COL11A2: variants seen among roughly 807,000 people sequenced by gnomAD.
COL11A2 encodes collagen alpha-2(XI) chain.
A neutral mutation model predicts 273.4 loss-of-function variants in COL11A2; 116 were observed. The observed-to-expected ratio is 0.42, with a 90% CI of 0.36 to 0.49. COL11A2 has a LOEUF of 0.49. Among genes scored for constraint, COL11A2 ranks in the 20% least tolerant of loss-of-function variants. The pLI is 0.00. For missense variants in COL11A2, 1,866 were observed against 2,309.0 expected, an observed-to-expected ratio of 0.81 and a Z score of 3.93; for synonymous variants, 782 against 864.2, an observed-to-expected ratio of 0.90 and a Z score of 1.67.
intron 7 of COL11A2, among the ~76,000 whole-genome samples, chr6:33,184,586 G>A (rs1772134849): frequency 6.6e-6 from 1 of 152,212 alleles, no homozygotes; most frequent in African/African-American, 2.4e-5. Flanking sequence ...CCAGAGGACT[G>A]GATGCAGAGT....
chr6:33,176,228 G>C lies in COL11A2; in HGVS notation c.2214+31C>G. The C allele has an allele frequency of 3.1e-6, 5 of 1,609,450 alleles. No homozygotes were observed. Among genetic ancestry groups the C allele is most frequent in the Non-Finnish European group, 3.4e-6 (4 of 1,178,096 alleles). ...TGAAGAGAGGAGATGGCAGGACTGAGGTGCTGGGAAGCTGGGGGCATGGTG... is the reference window on the plus strand; with the variant it reads ...TGAAGAGAGGAGATGGCAGGACTGACGTGCTGGGAAGCTGGGGGCATGGTG... On this transcript the variant is annotated intron_variant, in intron 28 of 65. Coordinates refer to ENST00000341947, the MANE Select transcript of COL11A2 (RefSeq NM_080680.3). This position sits in a 1 kb window ranked among gnomAD's most constrained non-coding sequence, Gnocchi z 4.9.
At position 33,163,262 on chromosome 6, in the gene COL11A2, C is replaced by G. The variant is rs1033870943; in HGVS notation, c.*416G>C. ...TGGGTGCCGGAGCCCACCCCCGAGA[C>G]CCCTGTCTTCAACATCTGCTGATTT... On this transcript the variant is annotated 3_prime_UTR_variant, in exon 66 of 66. Transcript: ENST00000341947. The surrounding 1 kb of genome is among the most constrained non-coding windows in gnomAD (Gnocchi z 4.1). The G allele has an allele frequency of 2.3e-5, 5 of 221,514 alleles. No homozygotes were observed. Among genetic ancestry groups the G allele is most frequent in the Non-Finnish European group, 3.6e-5 (4 of 110,006 alleles). 13.7% of individuals were successfully genotyped at this position (221,514 alleles called of 1,614,324 possible).
chr6:33,172,231 G>C, intron 40 of COL11A2, 58 bp downstream of exon 40: 1 of 1,519,546 alleles, frequency 6.6e-7, no homozygotes, highest in South Asian at 1.1e-5. Flanking sequence ...CAGGGTCGGG[G>C]TGGGGACTCA....
rs943456308 is a variant in COL11A2, at chr6:33,169,535, G to A, written c.3691-45C>T. 1.9e-6 allele frequency: 3 copies of A among 1,572,644 alleles called. No individual in the cohort carries two copies. Among genetic ancestry groups the A allele is most frequent in the South Asian group, 1.1e-5 (1 of 89,970 alleles). Reference sequence around the variant, plus strand: ...CACAGATGGCCCAGGGAATCTTGAAGATCAGGGATGCAGCCTCTGCTTCCG... The same window carrying A: ...CACAGATGGCCCAGGGAATCTTGAAAATCAGGGATGCAGCCTCTGCTTCCG... On this transcript the variant is annotated intron_variant, in intron 50 of 65. Transcript: ENST00000341947. The surrounding 1 kb of genome is among the most constrained non-coding windows in gnomAD (Gnocchi z 5.5).
In COL11A2 at chr6:33,178,632, T is replaced by C. The variant is rs762652257; in HGVS notation, c.1719+47A>G. The C allele has an allele frequency of 2.5e-6, 4 of 1,609,912 alleles. No homozygotes were observed. Among genetic ancestry groups the C allele is most frequent in the Admixed American group, 1.7e-5 (1 of 60,006 alleles). The stretch of plus-strand genomic sequence containing the variant: ...CCTTCCCTACCTATCCTCACTCCCA[T>C]AGAAGATCTATCCCCAATTACAACA... On this transcript the variant is annotated intron_variant, in intron 18 of 65. Transcript: ENST00000341947. This position sits in a 1 kb window ranked among gnomAD's most constrained non-coding sequence, Gnocchi z 4.6.
At chr6:33,185,991 G>A (rs777709178) in intron 5 of COL11A2, among the ~76,000 whole-genome samples, 2 of 151,896 alleles carry the variant, frequency 1.3e-5, no homozygotes, top group Non-Finnish European at 2.9e-5. Context: ...TTCCACATGT[G>A]GGGCAGAAGC....
rs376797260 is a variant in COL11A2, at chr6:33,172,356, G to A, written c.2921C>T (p.Ala974Val). 2.7e-4 allele frequency: 435 copies of A among 1,588,380 alleles called. No individual in the cohort carries two copies. The highest frequency in any genetic ancestry group is 3.6e-4 in the Non-Finnish European group (424 of 1,168,104). Residue 974 changes from alanine (A) to valine (V), a missense_variant, in exon 40 of 66, where the codon GCC becomes GTC. Transcript: ENST00000341947. ...ACCAGCAGGACCATCCTTCCCTGGG[G>A]CCCCAGGGGGACCAGGGTCACCCTA... Reference protein sequence around the residue: ...GTKGDPGPPGAPGKDGPAGLR... With the variant: ...GTKGDPGPPGVPGKDGPAGLR...
In COL11A2 at chr6:33,176,444, G is replaced by A. The variant is rs778929272; in HGVS notation, c.2158C>T (p.Arg720Ter). 1.9e-6 allele frequency: 3 copies of A among 1,612,500 alleles called. No homozygotes were observed. The highest frequency in any genetic ancestry group is 1.7e-6 in the Non-Finnish European group (2 of 1,179,794). ...PQGPLGYPGP[R>*]GVKGVDGIRG... ...TGGTGGTCAGTTACCTTGACCCCTC[G>A]AGGTCCTGGGTATCCTAGAGGTCCC... The change falls in exon 27 of 66, where the codon CGA (arginine) becomes TGA (stop). Residue 720 changes from arginine to a stop codon, truncating the protein, a stop_gained. Coordinates refer to ENST00000341947, the MANE Select transcript of COL11A2 (RefSeq NM_080680.3). LOFTEE classifies it high-confidence loss of function. The surrounding 1 kb of genome is among the most constrained non-coding windows in gnomAD (Gnocchi z 4.9).
chr6:33,183,889 T>A (rs1365925583), intron 8 of COL11A2, among the ~76,000 whole-genome samples: 1 of 151,792 alleles, frequency 6.6e-6, no homozygotes, highest in Non-Finnish European at 1.5e-5. Flanking sequence ...AGGAAGTGGC[T>A]ACATATTTTT....
Position 33,189,420 on chromosome 6 carries a change from A to C in COL11A2, c.132T>G (p.Pro44=), listed in dbSNP as rs139224804. The change falls in exon 2 of 66, where the codon CCT becomes CCG. Residue 44 remains proline, a synonymous_variant. Transcript: ENST00000341947. The surrounding 1 kb of genome is among the most constrained non-coding windows in gnomAD (Gnocchi z 5.6). ...VLRALRFPSL[P]DGVRRAKGIC... is the part of the protein sequence containing the mutation. ...TGCCTTTCGCTCTCCGGACACCATC[A>C]GGGAGGGAGGGGAACCTCAGGGCCC... The C allele has an allele frequency of 6.2e-7, 1 of 1,613,070 alleles. No individual in the cohort carries two copies. Among genetic ancestry groups the C allele is most frequent in the South Asian group, 1.1e-5 (1 of 91,086 alleles).
At chr6:33,174,093 G>A (rs1770541086) in intron 32 of COL11A2, 38 bp from the exon 33 acceptor site, 2 of 1,612,978 alleles carry the variant, frequency 1.2e-6, no homozygotes, top group Non-Finnish European at 1.7e-6. Context: ...TACCCAGGGT[G>A]AGACTCCCCA....
At position 33,184,298 on chromosome 6, in the gene COL11A2, G is replaced by T. The variant is rs147527758; in HGVS notation, c.966C>A (p.Pro322=). Residue 322 remains proline (P), a synonymous_variant, in exon 8 of 66, where the codon CCC becomes CCA. Transcript: ENST00000341947. Reference sequence around the variant, plus strand: ...CCTCTGCCTGGAACCTGTCGGCTGTGGGGGGGACCTGGAGATCTGTCTGCT... The same window carrying T: ...CCTCTGCCTGGAACCTGTCGGCTGTTGGGGGGACCTGGAGATCTGTCTGCT... ...EEEQTDLQVP[P]TADRFQAEEY... 4.9e-5 allele frequency: 67 copies of T among 1,367,210 alleles called. No homozygotes were observed. The highest frequency in any genetic ancestry group is 2.1e-4 in the Middle Eastern group (1 of 4,788). 84.7% of individuals were successfully genotyped at this position (1,367,210 alleles called of 1,614,324 possible).
chr6:33,192,501 C>T (rs1348662483), upstream of COL11A2: 2 of 545,190 alleles, frequency 3.7e-6, no homozygotes, highest in Non-Finnish European at 6.5e-6. Context: ...GAGCCCCCAC[C>T]TCGCCCCCGC....
chr6:33,164,172 G>C lies in COL11A2; in HGVS notation c.5070+95C>G. 7.1e-7 allele frequency: 1 copy of C among 1,407,258 alleles called. No homozygotes were observed. 87.2% of individuals were successfully genotyped at this position (1,407,258 alleles called of 1,614,324 possible). A position where few individuals can be genotyped will look rare whatever the true frequency, so the allele number is the denominator to read the frequency against. On this transcript the variant is annotated intron_variant, in intron 65 of 65. Transcript: ENST00000341947. The surrounding 1 kb of genome is among the most constrained non-coding windows in gnomAD (Gnocchi z 4.7). Reference sequence around the variant, plus strand: ...AATCCAGCAGGACGGACTCCTCCCTGCTCCCCCTGGGTGCCCTGCCCAAGG... The same window carrying C: ...AATCCAGCAGGACGGACTCCTCCCTCCTCCCCCTGGGTGCCCTGCCCAAGG...
rs1322918730 is a variant in COL11A2 at position 33,167,620 on chromosome 6, G to C, written c.4015-87C>G. On this transcript the variant is annotated intron_variant, in intron 55 of 65. Transcript: ENST00000341947. The surrounding 1 kb of genome is among the most constrained non-coding windows in gnomAD (Gnocchi z 6.1). ...GAGGGTCCAAGGTGGGAGGCAGGAGGCAGGGAGGAAGGGCCAAACTCTAGG... is the reference window on the plus strand; with the variant it reads ...GAGGGTCCAAGGTGGGAGGCAGGAGCCAGGGAGGAAGGGCCAAACTCTAGG... 6.6e-7 allele frequency: 1 copy of C among 1,526,356 alleles called. No individual in the cohort carries two copies. The highest frequency in any genetic ancestry group is 9.0e-7 in the Non-Finnish European group (1 of 1,112,250). The allele number at this position is 1,526,356 out of a possible 1,614,324, so 94.6% of individuals were successfully genotyped here.
chr6:33,186,338 G>T, intron 5 of COL11A2: 1 of 1,328,152 alleles, frequency 7.5e-7, no homozygotes, highest in Non-Finnish European at 9.8e-7. Context: ...CTCTCCCACT[G>T]TCTCCCAATC....
chr6:33,184,925 G>T, intron 7 of COL11A2, 67 bp downstream of exon 7: 1 of 1,342,580 alleles, frequency 7.4e-7, no homozygotes, highest in Non-Finnish European at 1.0e-6. Context: ...AGACGTCATG[G>T]GCTGAGGGGA....
rs1017562830 is a variant in COL11A2 at position 33,174,191 on chromosome 6, C to T, written c.2458G>A (p.Gly820Ser). The T allele has an allele frequency of 6.3e-7, 1 of 1,576,888 alleles. No homozygotes were observed. Among genetic ancestry groups the T allele is most frequent in the Admixed American group, 1.8e-5 (1 of 55,920 alleles). The change falls in exon 32 of 66, where the codon GGT becomes AGT. Residue 820 changes from glycine to serine, a missense_variant. By Grantham distance (56) the Gly-to-Ser change is moderately conservative. Transcript: ENST00000341947. ...CGGGCTCCCTTCTCTCCACTGGCAC[C>T]AGGAAAGCCAGGAAATCCTAGGGAC... ...KGSLGFPGFP[G>S]ASGEKGARGL...
At position 33,177,647 on chromosome 6, in the gene COL11A2, C is replaced by G; in HGVS notation, c.1917+15G>C. The G allele has an allele frequency of 1.2e-6, 2 of 1,612,894 alleles. No homozygotes were observed. Among genetic ancestry groups the G allele is most frequent in the Non-Finnish European group, 1.7e-6 (2 of 1,179,924 alleles). Reference sequence around the variant, plus strand: ...GGGATAAGAATGGGGGTGGGATCTCCTATCCATCACTCACCAAGCTCCCTT... The same window carrying G: ...GGGATAAGAATGGGGGTGGGATCTCGTATCCATCACTCACCAAGCTCCCTT... On this transcript the variant is annotated intron_variant, in intron 22 of 65. Transcript: ENST00000341947. The surrounding 1 kb of genome is among the most constrained non-coding windows in gnomAD (Gnocchi z 5.9).
Sources: gnomAD v4.1 joint callset for allele counts (sites outside exome capture counted in the v4.1 genomes callset) on GRCh38, gnomAD v4.1.1 for gene constraint, Gnocchi (gnomAD v3.1) non-coding constraint, MANE v1.5 for transcripts, NCBI Gene and HGNC (gene_info 2026-07-23, HGNC 2026-07-21) for gene names.